The following SLC25A26 variants were observed in gnomAD, a reference collection of about 807,000 sequenced individuals.
SLC25A26 encodes solute carrier family 25 member 26.
A neutral mutation model predicts 37.8 loss-of-function variants in SLC25A26; 36 were observed. The ratio of observed to expected loss-of-function variants is 0.95; its 90% CI spans 0.73 to 1.26. The LOEUF (loss-of-function observed/expected upper bound fraction) is 1.26, where lower values mean the gene tolerates loss of function less well. Among genes scored for constraint, SLC25A26 ranks in the 50% most tolerant of loss-of-function variants. The pLI is 0.00. For missense variants in SLC25A26, 390 were observed against 331.1 expected (o/e 1.18, Z -1.38); for synonymous variants, 129 against 122.5 (o/e 1.05, Z -0.35).
chr3:66,138,047 T>A (rs1250879635), intron 1 of SLC25A26, among the ~76,000 whole-genome samples: 1 of 152,002 alleles, frequency 6.6e-6, no homozygotes, highest in Non-Finnish European at 1.5e-5. Flanking sequence ...TTGGCCAGGT[T>A]GGTCTCGAAC....
At chr3:66,270,038 A>G (rs2073903106) in intron 5 of SLC25A26, among the ~76,000 whole-genome samples, 1 of 152,074 alleles carries the variant, frequency 6.6e-6, no homozygotes, top group South Asian at 2.1e-4. Flanking sequence ...ATGCTGCCTG[A>G]CGTCATGATC....
At chr3:66,188,272 A>C (rs1176606200) in intron 1 of SLC25A26, among the ~76,000 whole-genome samples, 1 of 152,106 alleles carries the variant, frequency 6.6e-6, no homozygotes, top group African/African-American at 2.4e-5. Context: ...CCAGACCCTT[A>C]TATTTATCAA....
At chr3:66,157,404 A>G (rs1377181605) in intron 1 of SLC25A26, among the ~76,000 whole-genome samples, 3 of 152,238 alleles carry the variant, frequency 2.0e-5, no homozygotes, top group Non-Finnish European at 4.4e-5. Context: ...AGTCTAGGCA[A>G]CACAGTGAGA....
chr3:66,309,477 T>A (rs1017998454), intron 5 of SLC25A26, among the ~76,000 whole-genome samples: 10 of 151,670 alleles, frequency 6.6e-5, no homozygotes, highest in East Asian at 3.8e-4. Flanking sequence ...ATTTTTTTTT[T>A]AAAGTGTTTT....
At chr3:66,153,809 T>A (rs2070240206) in intron 1 of SLC25A26, among the ~76,000 whole-genome samples, 3 of 152,216 alleles carry the variant, frequency 2.0e-5, no homozygotes, top group African/African-American at 7.2e-5. Flanking sequence ...CCCAGCTAGT[T>A]CACGATCTTG....
At chr3:66,279,377 G>C (rs554476314) in intron 5 of SLC25A26, among the ~76,000 whole-genome samples, 33 of 152,282 alleles carry the variant, frequency 2.2e-4, no homozygotes, top group African/African-American at 7.7e-4. Context: ...TGGTCAGGCA[G>C]CCCAGGTTTT....
intron 6 of SLC25A26, among the ~76,000 whole-genome samples, chr3:66,352,587 CAAAT>C (rs150396696): frequency 0.044 from 6,731 of 151,834 alleles, 211 homozygotes; most frequent in Non-Finnish European, 0.069. Context: ...TGAAAATTGA[CAAAT>C]AATATCTGTA....
At chr3:66,369,025 CAAAA>C (rs1201555171) in intron 7 of SLC25A26, among the ~76,000 whole-genome samples, 2 of 32,960 alleles carry the variant, frequency 6.1e-5, no homozygotes, top group Admixed American at 3.0e-4. Context: ...CCTGTCTTTT[CAAAA>C]AAAAAAAAAA....
At chr3:66,137,518 A>G (rs987241609) in intron 1 of SLC25A26, among the ~76,000 whole-genome samples, 1 of 152,016 alleles carries the variant, frequency 6.6e-6, no homozygotes, top group African/African-American at 2.4e-5. Flanking sequence ...ATGAACAACC[A>G]CACCCAGCCC....
At chr3:66,262,206 G>C (rs909564758) in intron 4 of SLC25A26, 51 bp downstream of exon 4, 22 of 968,192 alleles carry the variant, frequency 2.3e-5, no homozygotes, top group Non-Finnish European at 3.1e-5. Flanking sequence ...TTTTATAGTA[G>C]CTAATACGAA....
chr3:66,352,804 T>TCCTCTTTCCCCATTA (rs1401124787), intron 6 of SLC25A26, among the ~76,000 whole-genome samples: 4 of 151,904 alleles, frequency 2.6e-5, no homozygotes, highest in Admixed American at 2.6e-4. Context: ...CTCTCATGTC[T>TCCTCTTTCCCCATTA]CCTCTTTCCC....
chr3:66,301,827 A>G (rs549217539), intron 5 of SLC25A26, among the ~76,000 whole-genome samples: 123 of 152,306 alleles, frequency 8.1e-4, no homozygotes, highest in Non-Finnish European at 1.5e-3. Flanking sequence ...AAGGTAGCCT[A>G]TCTGGATTCA....
chr3:66,139,457 C>T (rs2070001558), intron 1 of SLC25A26, among the ~76,000 whole-genome samples: 1 of 152,184 alleles, frequency 6.6e-6, no homozygotes, highest in Non-Finnish European at 1.5e-5. Context: ...TTTAGCTCCC[C>T]CCTATCAGGA....
At chr3:66,341,997 C>T (rs1332382466) in intron 5 of SLC25A26, among the ~76,000 whole-genome samples, 8 of 151,418 alleles carry the variant, frequency 5.3e-5, no homozygotes, top group Non-Finnish European at 1.0e-4. Context: ...CTTGGTTACC[C>T]CTGGGGTTGA....
chr3:66,363,512 C>G (rs1031174773), intron 7 of SLC25A26, among the ~76,000 whole-genome samples: 3 of 152,208 alleles, frequency 2.0e-5, no homozygotes, highest in African/African-American at 7.2e-5. Flanking sequence ...TTATCCATCA[C>G]TAAGTCATAT....
chr3:66,167,501 C>T (rs1291193051), intron 1 of SLC25A26, among the ~76,000 whole-genome samples: 2 of 152,286 alleles, frequency 1.3e-5, no homozygotes, highest in South Asian at 2.1e-4. Context: ...AATAAATTCC[C>T]TTTTATGCTT....
At chr3:66,256,539 C>T (rs943876489) in intron 3 of SLC25A26, among the ~76,000 whole-genome samples, 6 of 152,114 alleles carry the variant, frequency 3.9e-5, no homozygotes, top group African/African-American at 1.4e-4. Flanking sequence ...TAATTCTACT[C>T]TGTTTTTTCC....
intron 5 of SLC25A26, among the ~76,000 whole-genome samples, chr3:66,268,841 G>A (rs533767673): frequency 6.6e-6 from 1 of 152,318 alleles, no homozygotes; most frequent in African/African-American, 2.4e-5. Flanking sequence ...AAAAGTGTTT[G>A]CAGTTCCCCC....
chr3:66,148,782 T>C (rs2070156801), intron 1 of SLC25A26, among the ~76,000 whole-genome samples: 1 of 152,224 alleles, frequency 6.6e-6, no homozygotes, highest in Non-Finnish European at 1.5e-5. Context: ...GGTCTCGAAC[T>C]CCTGGGCTTA....
Sources: gnomAD v4.1 joint callset for allele counts (sites outside exome capture counted in the v4.1 genomes callset) on GRCh38, gnomAD v4.1.1 for gene constraint, MANE v1.5 for transcripts, NCBI Gene and HGNC (gene_info 2026-07-23, HGNC 2026-07-21) for gene names.